The following MEI4 variants were observed in gnomAD, a reference collection of about 807,000 sequenced individuals.
MEI4 encodes the protein meiotic double-stranded break formation protein 4.
In MEI4, 27 loss-of-function variants were observed where a neutral mutation model predicts 31.4. The observed-to-expected ratio is 0.86, with a 90% CI of 0.63 to 1.19. The LOEUF is 1.19. Ranked by LOEUF, MEI4 falls within the 50% of genes most tolerant of loss-of-function variation. The pLI, the probability that MEI4 is intolerant of heterozygous loss-of-function variation, is 0.00. For missense variants in MEI4, 329 were observed against 398.9 expected (o/e 0.82, Z 1.49); for synonymous variants, 122 against 145.4 (o/e 0.84, Z 1.16).
intron 4 of MEI4, among the ~76,000 whole-genome samples, chr6:77,830,002 TA>T (rs1454339902): frequency 6.6e-6 from 1 of 152,020 alleles, no homozygotes; most frequent in Non-Finnish European, 1.5e-5. Context: ...AGATTTTTTT[TA>T]AAAACTCATT....
intron 3 of MEI4, among the ~76,000 whole-genome samples, chr6:77,776,792 A>G (rs994491481): frequency 6.6e-6 from 1 of 152,188 alleles, no homozygotes; most frequent in African/African-American, 2.4e-5. Context: ...TTGCCAACAC[A>G]AAACATCTTA....
At chr6:77,899,942 AC>A (rs941314253) in intron 4 of MEI4, among the ~76,000 whole-genome samples, 1 of 152,124 alleles carries the variant, frequency 6.6e-6, no homozygotes, top group African/African-American at 2.4e-5. Context: ...AAAAAAAAAA[AC>A]AGGAAATCCT....
intron 4 of MEI4, among the ~76,000 whole-genome samples, chr6:77,885,400 C>T (rs868522798): frequency 3.3e-5 from 5 of 152,124 alleles, no homozygotes; most frequent in Middle Eastern, 3.4e-3. Flanking sequence ...CCATGTTGCC[C>T]AGGCTGGTCT....
intron 3 of MEI4, among the ~76,000 whole-genome samples, chr6:77,814,391 C>A (rs930907802): frequency 6.8e-6 from 1 of 147,894 alleles, no homozygotes; most frequent in Non-Finnish European, 1.5e-5. Flanking sequence ...AATTGTTAAC[C>A]ATTTTTTGCA....
At chr6:77,883,745 A>ATATATATATATATATCTATCTATCTAT (rs55947073) in intron 4 of MEI4, among the ~76,000 whole-genome samples, 1 of 82,302 alleles carries the variant, frequency 1.2e-5, no homozygotes, top group African/African-American at 5.0e-5. Context: ...TATATATATA[A>ATATATATATATATATCTATCTATCTAT]CTTTGTCTTT....
intron 4 of MEI4, among the ~76,000 whole-genome samples, chr6:77,829,976 T>A (rs941970398): frequency 2.0e-5 from 3 of 151,842 alleles, no homozygotes; most frequent in Admixed American, 2.0e-4. Flanking sequence ...AATGACAAAC[T>A]CTCTTAAGAG....
At chr6:77,656,477 T>C (rs1311305499) in intron 1 of MEI4, among the ~76,000 whole-genome samples, 1 of 152,186 alleles carries the variant, frequency 6.6e-6, no homozygotes, top group Non-Finnish European at 1.5e-5. Context: ...TGTTGTGTAC[T>C]TTATGTTCTA....
rs1766262856 is a variant in MEI4 at position 77,905,039 on chromosome 6, A to AC, written c.901-18048dup. On this transcript the variant is annotated intron_variant, in intron 4 of 4. Coordinates refer to ENST00000684080, the MANE Select transcript of MEI4 (RefSeq NM_001322247.2). ...AGGTTACTAATAGCATCATTTTCTT[A>AC]CCTTAAATAACTCCTTTTCACAATT... 3.9e-5 allele frequency among the ~76,000 whole-genome samples: 6 copies of AC among 152,078 alleles called. No homozygotes were observed. The South Asian group carries it at 1.2e-3, about 32-fold the overall frequency.
chr6:77,840,021 A>G (rs1411070667), intron 4 of MEI4, among the ~76,000 whole-genome samples: 1 of 152,210 alleles, frequency 6.6e-6, no homozygotes, highest in Non-Finnish European at 1.5e-5. Context: ...ATGCTCCTTG[A>G]GGTAAACATC....
chr6:77,715,631 G>A (rs1182467972), intron 2 of MEI4, among the ~76,000 whole-genome samples: 1 of 151,960 alleles, frequency 6.6e-6, no homozygotes, highest in Non-Finnish European at 1.5e-5. Flanking sequence ...TATGGCTTTT[G>A]GCCATATCCC....
chr6:77,655,648 ATTTTC>A (rs1768380425), intron 1 of MEI4, among the ~76,000 whole-genome samples: 1 of 151,932 alleles, frequency 6.6e-6, no homozygotes, highest in Non-Finnish European at 1.5e-5. Flanking sequence ...ATACTATCCT[ATTTTC>A]TTTAGGTTTT....
At chr6:77,799,689 T>C (rs1319863781) in intron 3 of MEI4, among the ~76,000 whole-genome samples, 1 of 152,264 alleles carries the variant, frequency 6.6e-6, no homozygotes, top group East Asian at 1.9e-4. Flanking sequence ...AAGGAAGGGA[T>C]CCAGTTTCAG....
chr6:77,871,143 G>A (rs189859431), intron 4 of MEI4, among the ~76,000 whole-genome samples: 64 of 152,188 alleles, frequency 4.2e-4, no homozygotes, highest in African/African-American at 1.5e-3. Context: ...GACCATTTCA[G>A]TTCCTCACAG....
chr6:77,843,049 G>A (rs1770401717), intron 4 of MEI4, among the ~76,000 whole-genome samples: 1 of 149,792 alleles, frequency 6.7e-6, no homozygotes, highest in African/African-American at 2.5e-5. Context: ...GGAAGACAGA[G>A]CACTTGACAA....
chr6:77,911,590 T>TC (rs1766435927), intron 4 of MEI4, among the ~76,000 whole-genome samples: 1 of 151,856 alleles, frequency 6.6e-6, no homozygotes, highest in Admixed American at 6.6e-5. Flanking sequence ...CATTAATTAA[T>TC]TTGCTTAGGT....
At position 77,925,323 on chromosome 6, in the gene MEI4, T is replaced by C. The variant is rs1766818062; in HGVS notation, c.*1977T>C. On this transcript the variant is annotated 3_prime_UTR_variant, in exon 5 of 5. Coordinates refer to ENST00000684080, the MANE Select transcript of MEI4 (RefSeq NM_001322247.2). ...AAAATGGAGAAACATTTTATTTCCA[T>C]TTGGTATCCATTTTATATAAACATT... The C allele has an allele frequency of 6.6e-6, 1 of 151,872 alleles. No homozygotes were observed. The highest frequency in any genetic ancestry group is 1.5e-5 in the Non-Finnish European group (1 of 67,914). 9.4% of individuals were successfully genotyped at this position (151,872 alleles called of 1,614,324 possible).
intron 2 of MEI4, among the ~76,000 whole-genome samples, chr6:77,735,666 A>G (rs910563110): frequency 3.9e-5 from 6 of 152,070 alleles, no homozygotes; most frequent in Non-Finnish European, 1.5e-5. Flanking sequence ...GCTTTGTTCC[A>G]TTGCTGGTGA....
intron 3 of MEI4, among the ~76,000 whole-genome samples, chr6:77,826,101 T>C (rs1268736471): frequency 6.6e-6 from 1 of 152,196 alleles, no homozygotes; most frequent in Admixed American, 6.5e-5. Flanking sequence ...ACTTCTGCTT[T>C]TAGTTTTCAC....
intron 2 of MEI4, among the ~76,000 whole-genome samples, chr6:77,733,246 C>A (rs954413579): frequency 3.3e-5 from 5 of 152,076 alleles, no homozygotes; most frequent in African/African-American, 1.2e-4. Context: ...GGCTGTGAAT[C>A]CATCTGATCC....
Sources: gnomAD v4.1 joint callset for allele counts (sites outside exome capture counted in the v4.1 genomes callset) on GRCh38, gnomAD v4.1.1 for gene constraint, MANE v1.5 for transcripts, NCBI Gene and HGNC (gene_info 2026-07-23, HGNC 2026-07-21) for gene names.